Variants in LAMA2 observed in about 807,000 individuals in gnomAD.
LAMA2 encodes laminin subunit alpha-2.
In LAMA2, 269 loss-of-function variants were observed where a neutral mutation model predicts 364.8. The ratio of observed to expected loss-of-function variants is 0.74; its 90% CI spans 0.67 to 0.82. The LOEUF is 0.82. LAMA2 is among the 40% of genes least tolerant of loss of function. The probability of loss-of-function intolerance (pLI) is 0.00; values close to 1 mark genes in which losing one functional copy is unlikely to be tolerated. For synonymous variants in LAMA2, 1,379 were observed against 1,370.6 expected, an observed-to-expected ratio of 1.01 and a Z score of -0.14; for missense variants, 3,807 against 3,873.2, an observed-to-expected ratio of 0.98 and a Z score of 0.45.
At chr6:129,089,774 A>C (rs1198256139) in intron 3 of LAMA2, among the ~76,000 whole-genome samples, 1 of 152,244 alleles carries the variant, frequency 6.6e-6, no homozygotes, top group African/African-American at 2.4e-5. Context: ...TTAATGAAGC[A>C]TGGCGTACTA....
chr6:129,468,493 T>G (rs1363940630), intron 51 of LAMA2, among the ~76,000 whole-genome samples: 1 of 151,908 alleles, frequency 6.6e-6, no homozygotes, highest in Non-Finnish European at 1.5e-5. Context: ...TATTAATTTT[T>G]CCTTATAAAA....
intron 10 of LAMA2, 104 bp from the exon 11 acceptor site, chr6:129,190,101 G>A (rs557521852): frequency 3.5e-6 from 4 of 1,132,524 alleles, no homozygotes; most frequent in Non-Finnish European, 5.3e-6. Context: ...TAGTTGAGAG[G>A]GTAAAATGAA....
intron 58 of LAMA2, among the ~76,000 whole-genome samples, chr6:129,497,861 C>T (rs1785312807): frequency 6.6e-6 from 1 of 152,202 alleles, no homozygotes. Context: ...CATATTATCT[C>T]ATTTGATATT....
At chr6:128,947,992 A>C (rs1349153321) in intron 1 of LAMA2, among the ~76,000 whole-genome samples, 2 of 152,150 alleles carry the variant, frequency 1.3e-5, no homozygotes, top group East Asian at 3.9e-4. Context: ...AGATCTTTTG[A>C]GACTATAAGA....
intron 28 of LAMA2, among the ~76,000 whole-genome samples, chr6:129,321,027 G>C (rs1362656396): frequency 6.6e-6 from 1 of 152,112 alleles, no homozygotes; most frequent in Non-Finnish European, 1.5e-5. Context: ...TTTTTATATA[G>C]AACACGACAA....
intron 21 of LAMA2, among the ~76,000 whole-genome samples, chr6:129,299,176 A>C (rs1054462274): frequency 6.6e-6 from 1 of 152,054 alleles, no homozygotes; most frequent in East Asian, 1.9e-4. Context: ...GAAGAATAGT[A>C]ATATGACTGA....
chr6:128,943,535 C>T (rs1320508159), intron 1 of LAMA2, among the ~76,000 whole-genome samples: 2 of 151,910 alleles, frequency 1.3e-5, no homozygotes, highest in African/African-American at 4.8e-5. Flanking sequence ...TCCAGCAATT[C>T]TCCTGGCTTG....
intron 12 of LAMA2, among the ~76,000 whole-genome samples, chr6:129,194,211 A>T (rs1265407394): frequency 6.8e-6 from 1 of 146,986 alleles, no homozygotes; most frequent in Non-Finnish European, 1.5e-5. Flanking sequence ...CTGTCAATTT[A>T]AAAAAAAAAC....
intron 1 of LAMA2, among the ~76,000 whole-genome samples, chr6:128,916,801 A>G (rs1415684998): frequency 1.3e-5 from 2 of 152,190 alleles, no homozygotes; most frequent in African/African-American, 4.8e-5. Flanking sequence ...CATCTTTTCC[A>G]TCTGAACATT....
At chr6:129,414,569 AT>A (rs1409369031) in intron 40 of LAMA2, among the ~76,000 whole-genome samples, 3 of 152,180 alleles carry the variant, frequency 2.0e-5, no homozygotes, top group Non-Finnish European at 2.9e-5. Context: ...AAATAGTTTA[AT>A]TAAAATGAAC....
At chr6:128,898,681 C>T (rs1236972332) in intron 1 of LAMA2, among the ~76,000 whole-genome samples, 1 of 152,208 alleles carries the variant, frequency 6.6e-6, no homozygotes, top group East Asian at 1.9e-4. Flanking sequence ...GCAAAGTGAA[C>T]TCTGAAAATA....
chr6:129,384,339 C>A (rs914815912), intron 35 of LAMA2, among the ~76,000 whole-genome samples: 2 of 152,188 alleles, frequency 1.3e-5, no homozygotes, highest in African/African-American at 4.8e-5. Flanking sequence ...AGGTAGAGCA[C>A]CTTCACTCTG....
At chr6:129,440,684 G>A in intron 42 of LAMA2, 132 bp from the exon 43 acceptor site, 1 of 829,076 alleles carries the variant, frequency 1.2e-6, no homozygotes, top group Non-Finnish European at 2.1e-6. Flanking sequence ...ACCTGAATGA[G>A]ACAAAGTTCA....
intron 1 of LAMA2, among the ~76,000 whole-genome samples, chr6:128,946,405 C>T (rs78792505): frequency 0.012 from 1,807 of 152,308 alleles, 41 homozygotes; most frequent in African/African-American, 0.039. Flanking sequence ...CCCTCATGAA[C>T]ATGTGGTGGA....
rs557290197 is a variant in LAMA2 at position 129,424,644 on chromosome 6, A to G, written c.5866-3108A>G. ...CTCAATGTTATTAGTCATAAGGAAA[A>G]CACAAAGCAAAACCAAAATGATGAC... On this transcript the variant is annotated intron_variant, in intron 40 of 64. Transcript: ENST00000421865. Among the ~76,000 whole-genome samples the G allele has an allele frequency of 8.5e-5, 13 of 152,128 alleles. No homozygotes were observed. The South Asian group carries it at 1.9e-3, about 22-fold the overall frequency.
At position 129,391,631 on chromosome 6, in the gene LAMA2, G is replaced by A; in HGVS notation, c.5212G>A (p.Glu1738Lys). Residue 1738 changes from glutamate to lysine, a missense_variant, in exon 36 of 65, where the codon GAA becomes AAA. Physicochemically the swap from Glu to Lys is moderately conservative, Grantham distance 56 (BLOSUM62 1). This residue lies in a region of LAMA2 where 3,333 missense variants were observed against 3,345.7 expected (regional missense o/e 1.00). Coordinates refer to ENST00000421865, the MANE Select transcript of LAMA2 (RefSeq NM_000426.4). ...GAGGAAAAATCTAGAGACACAAAAG[G>A]AAATTGCTGAAGATGAGTTGGTGTG... ...LRRKNLETQK[E>K]IAEDELVAAE... 1 of 1,613,770 alleles carries A rather than the reference G, an allele frequency of 6.2e-7. No homozygotes were observed. Among genetic ancestry groups the A allele is most frequent in the Non-Finnish European group, 8.5e-7 (1 of 1,179,736 alleles).
chr6:129,236,625 C>T (rs1784997511), intron 12 of LAMA2, among the ~76,000 whole-genome samples: 1 of 152,058 alleles, frequency 6.6e-6, no homozygotes, highest in Non-Finnish European at 1.5e-5. Context: ...GAATAAATAA[C>T]ATTGAAATAG....
intron 52 of LAMA2, among the ~76,000 whole-genome samples, chr6:129,473,858 T>C (rs1213720612): frequency 6.6e-6 from 1 of 152,086 alleles, no homozygotes; most frequent in East Asian, 1.9e-4. Context: ...CATTTTTTTT[T>C]AATTTCACAT....
chr6:129,262,138 A>G (rs990489590), intron 15 of LAMA2, among the ~76,000 whole-genome samples: 3 of 152,152 alleles, frequency 2.0e-5, no homozygotes, highest in Non-Finnish European at 4.4e-5. Flanking sequence ...GAATATTACA[A>G]TTGCTTAATT....
Sources: allele counts gnomAD v4.1 joint callset (sites outside exome capture counted in the v4.1 genomes callset), GRCh38; gene constraint gnomAD v4.1.1; regional missense constraint gnomAD v4.1.1; transcripts MANE v1.5; gene names NCBI Gene and HGNC (gene_info 2026-07-23, HGNC 2026-07-21).